Variants in CNTN5 observed in about 807,000 individuals in gnomAD.
CNTN5 encodes contactin 5.
A neutral mutation model predicts 129.1 loss-of-function variants in CNTN5; 77 were observed. The ratio of observed to expected loss-of-function variants is 0.60; its 90% CI spans 0.50 to 0.72. The LOEUF is 0.72. Among genes scored for constraint, CNTN5 ranks in the 30% least tolerant of loss-of-function variants. The pLI is 0.00. For missense variants in CNTN5, 1,478 were observed against 1,328.8 expected (o/e 1.11, Z -1.75); for synonymous variants, 509 against 465.6 (o/e 1.09, Z -1.20).
At chr11:99,892,596 T>C (rs1454977593) in intron 6 of CNTN5, among the ~76,000 whole-genome samples, 2 of 152,194 alleles carry the variant, frequency 1.3e-5, no homozygotes, top group Admixed American at 6.5e-5. Flanking sequence ...CCTTTCCCCA[T>C]TGCTTGTTTT....
chr11:99,081,183 T>C (rs12294942), intron 1 of CNTN5, among the ~76,000 whole-genome samples: 11,138 of 152,178 alleles, frequency 0.073, 632 homozygotes, highest in African/African-American at 0.16. Flanking sequence ...ACAATGTTCT[T>C]CCTCATTTCT....
intron 13 of CNTN5, among the ~76,000 whole-genome samples, chr11:100,088,194 C>A (rs186096444): frequency 1.5e-4 from 23 of 151,788 alleles, no homozygotes. Flanking sequence ...CACCTCTATA[C>A]ACACAAACCA....
intron 6 of CNTN5, among the ~76,000 whole-genome samples, chr11:99,850,528 A>G (rs966345911): frequency 2.0e-5 from 3 of 152,184 alleles, no homozygotes; most frequent in Non-Finnish European, 2.9e-5. Flanking sequence ...GTCACCCAAT[A>G]TATTTACAAA....
intron 2 of CNTN5, among the ~76,000 whole-genome samples, chr11:99,413,383 C>CT (rs1179469541): frequency 1.3e-5 from 2 of 152,150 alleles, no homozygotes; most frequent in Non-Finnish European, 2.9e-5. Flanking sequence ...CTTTGGGAGG[C>CT]TGAGATGGGC....
At chr11:99,065,216 C>G (rs12276707) in intron 1 of CNTN5, among the ~76,000 whole-genome samples, 45,328 of 151,852 alleles carry the variant, frequency 0.3, 6,983 homozygotes, top group African/African-American at 0.33. Context: ...ACACATAACA[C>G]AGTAAGAAAC....
At chr11:100,354,872 A>T (rs1192307326) in intron 24 of CNTN5, among the ~76,000 whole-genome samples, 1 of 151,614 alleles carries the variant, frequency 6.6e-6, no homozygotes, top group Non-Finnish European at 1.5e-5. Context: ...TATAAAAGAT[A>T]AAAAAATGGT....
chr11:100,058,956 C>G (rs1471178287), intron 9 of CNTN5, among the ~76,000 whole-genome samples: 1 of 152,074 alleles, frequency 6.6e-6, no homozygotes, highest in Non-Finnish European at 1.5e-5. Context: ...TGATTGGAAA[C>G]ACAGACGGAT....
At chr11:99,719,064 A>C (rs141493526) in intron 3 of CNTN5, among the ~76,000 whole-genome samples, 41 of 152,270 alleles carry the variant, frequency 2.7e-4, no homozygotes, top group African/African-American at 9.6e-4. Context: ...CACGCCTGTA[A>C]TTCCAGCACT....
At chr11:100,308,784 T>C (rs1438684186) in intron 21 of CNTN5, 5 of 1,000,928 alleles carry the variant, frequency 5.0e-6, no homozygotes, top group Non-Finnish European at 6.0e-6. Flanking sequence ...AAAGTTTTTG[T>C]GTCTTCCTTT....
chr11:99,755,513 T>C (rs1424268551), intron 3 of CNTN5, among the ~76,000 whole-genome samples: 1 of 152,204 alleles, frequency 6.6e-6, no homozygotes, highest in East Asian at 1.9e-4. Context: ...ATTTGCCATC[T>C]GTATATCTTT....
chr11:99,729,191 G>A (rs560219826), intron 3 of CNTN5, among the ~76,000 whole-genome samples: 1 of 152,240 alleles, frequency 6.6e-6, no homozygotes, highest in East Asian at 1.9e-4. Flanking sequence ...GTATTTAGAA[G>A]GATGAGATAA....
intron 1 of CNTN5, among the ~76,000 whole-genome samples, chr11:99,173,543 A>T (rs899607215): frequency 6.6e-5 from 10 of 152,346 alleles, no homozygotes; most frequent in African/African-American, 2.4e-4. Context: ...TAATGGTTAT[A>T]AGGCAGGTTT....
chr11:100,048,905 T>A (rs1399192010), intron 9 of CNTN5, among the ~76,000 whole-genome samples: 1 of 151,728 alleles, frequency 6.6e-6, no homozygotes, highest in Non-Finnish European at 1.5e-5. Flanking sequence ...AACTAATTGA[T>A]GAAAAACAAA....
intron 1 of CNTN5, among the ~76,000 whole-genome samples, chr11:99,281,821 A>C (rs368048778): frequency 1.3e-5 from 2 of 151,968 alleles, no homozygotes; most frequent in Admixed American, 6.6e-5. Context: ...TACTTCACTT[A>C]TTCATAAAAT....
At chr11:99,297,624 C>T (rs1442657185) in intron 1 of CNTN5, among the ~76,000 whole-genome samples, 1 of 152,138 alleles carries the variant, frequency 6.6e-6, no homozygotes, top group Non-Finnish European at 1.5e-5. Flanking sequence ...GACTTCACTG[C>T]CTTCCGGGCC....
chr11:99,341,401 T>A (rs1010287346), intron 2 of CNTN5, among the ~76,000 whole-genome samples: 1 of 152,198 alleles, frequency 6.6e-6, no homozygotes, highest in African/African-American at 2.4e-5. Context: ...TTTCATAGTA[T>A]GCCTTTTTGA....
intron 6 of CNTN5, among the ~76,000 whole-genome samples, chr11:99,907,260 G>T (rs1209832643): frequency 6.6e-6 from 1 of 152,048 alleles, no homozygotes; most frequent in East Asian, 1.9e-4. Context: ...TGGGCATTTA[G>T]TGATATTGAT....
At chr11:99,251,670 T>G (rs190317126) in intron 1 of CNTN5, among the ~76,000 whole-genome samples, 1 of 152,134 alleles carries the variant, frequency 6.6e-6, no homozygotes, top group African/African-American at 2.4e-5. Flanking sequence ...AGAGAATCAA[T>G]GCCTTCTTTA....
chr11:99,841,701 TAAG>T (rs747334106), intron 4 of CNTN5, among the ~76,000 whole-genome samples: 28 of 149,776 alleles, frequency 1.9e-4, no homozygotes, highest in Non-Finnish European at 2.5e-4. Flanking sequence ...GAATGAAAAA[TAAG>T]AAGAAATAAT....
Sources: gnomAD v4.1 joint callset for allele counts (sites outside exome capture counted in the v4.1 genomes callset) on GRCh38, gnomAD v4.1.1 for gene constraint, MANE v1.5 for transcripts, NCBI Gene and HGNC (gene_info 2026-07-23, HGNC 2026-07-21) for gene names.